The following CUX1 variants were observed in gnomAD, a reference collection of about 807,000 sequenced individuals.
CUX1 encodes the protein cut like homeobox 1.
CUX1 carries 31 observed loss-of-function variants against 158.8 expected under a neutral mutation model. That is an observed-to-expected ratio of 0.20 (90% CI 0.15 to 0.26). The LOEUF is 0.26. CUX1 is among the 10% of genes least tolerant of loss of function. The pLI is 1.00. For missense variants in CUX1, 1,589 were observed against 2,014.6 expected, an observed-to-expected ratio of 0.79 and a Z score of 4.04; for synonymous variants, 879 against 862.1, an observed-to-expected ratio of 1.02 and a Z score of -0.34.
intron 1 of CUX1, among the ~76,000 whole-genome samples, chr7:101,819,589 A>C (rs1792251387): frequency 1.3e-5 from 2 of 152,152 alleles, no homozygotes; most frequent in Admixed American, 6.6e-5. Context: ...CATAATAAGT[A>C]TATTATTTTA....
At chr7:101,844,575 C>G (rs1174952610) in intron 1 of CUX1, among the ~76,000 whole-genome samples, 1 of 152,010 alleles carries the variant, frequency 6.6e-6, no homozygotes, top group Admixed American at 6.6e-5. Flanking sequence ...TTATCCCTGT[C>G]TTCATTCTTT....
At chr7:101,973,401 G>C (rs533979380) in intron 2 of CUX1, among the ~76,000 whole-genome samples, 1 of 152,118 alleles carries the variant, frequency 6.6e-6, no homozygotes, top group Non-Finnish European at 1.5e-5. Context: ...CCAGCCCTCC[G>C]CAGCAAGCCA....
At chr7:102,165,037 T>TTC (rs1178604618) in intron 9 of CUX1, among the ~76,000 whole-genome samples, 1 of 151,474 alleles carries the variant, frequency 6.6e-6, no homozygotes, top group African/African-American at 2.4e-5. Context: ...ACGGTGAGGG[T>TTC]TCTCTCTTGT....
chr7:101,947,098 T>C (rs1413878236), intron 2 of CUX1, among the ~76,000 whole-genome samples: 1 of 152,110 alleles, frequency 6.6e-6, no homozygotes, highest in African/African-American at 2.4e-5. Context: ...AGTAACTTCA[T>C]TGTAAAATGG....
chr7:101,892,861 A>G (rs1343156002), intron 1 of CUX1, among the ~76,000 whole-genome samples: 1 of 152,180 alleles, frequency 6.6e-6, no homozygotes, highest in East Asian at 1.9e-4. Context: ...TATTTATTAT[A>G]TGAATAAAAC....
intron 11 of CUX1, among the ~76,000 whole-genome samples, chr7:102,179,454 C>T (rs1792785648): frequency 6.6e-6 from 1 of 152,158 alleles, no homozygotes; most frequent in Non-Finnish European, 1.5e-5. Context: ...AAATGAAACC[C>T]CAGAGGTCCA....
intron 12 of CUX1, among the ~76,000 whole-genome samples, chr7:102,191,790 T>C (rs1487104779): frequency 6.6e-6 from 1 of 151,614 alleles, no homozygotes; most frequent in Non-Finnish European, 1.5e-5. Flanking sequence ...CTTCTTCCTC[T>C]TGCTCCTCCT....
chr7:101,992,783 C>T (rs1175256215), intron 2 of CUX1, among the ~76,000 whole-genome samples: 1 of 151,696 alleles, frequency 6.6e-6, no homozygotes, highest in East Asian at 1.9e-4. Flanking sequence ...CCGCCCCCGC[C>T]GCCCCCCTCC....
intron 2 of CUX1, among the ~76,000 whole-genome samples, chr7:101,982,573 C>T (rs112173838): frequency 7.9e-5 from 12 of 152,106 alleles, no homozygotes; most frequent in East Asian, 5.8e-4. Context: ...ATTACAGATG[C>T]GGGCCACCAT....
chr7:102,155,592 G>C (rs1789665966), intron 8 of CUX1, among the ~76,000 whole-genome samples: 1 of 151,260 alleles, frequency 6.6e-6, no homozygotes, highest in South Asian at 2.1e-4. Context: ...TTTGCCTTAA[G>C]TAAAGTTTGC....
chr7:102,237,287 C>T (rs1411722683), intron 22 of CUX1, among the ~76,000 whole-genome samples: 2 of 152,040 alleles, frequency 1.3e-5, no homozygotes, highest in Non-Finnish European at 2.9e-5. Flanking sequence ...GGCAGTGATG[C>T]AATCATAGCT....
chr7:102,132,068 AC>A (rs1422848850), intron 8 of CUX1, among the ~76,000 whole-genome samples: 1 of 151,960 alleles, frequency 6.6e-6, no homozygotes, highest in Admixed American at 6.6e-5. Flanking sequence ...GGGTGGAAAA[AC>A]TTTTTTTTAA....
chr7:101,840,479 C>T (rs1216009655), intron 1 of CUX1, among the ~76,000 whole-genome samples: 1 of 152,176 alleles, frequency 6.6e-6, no homozygotes, highest in Non-Finnish European at 1.5e-5. Flanking sequence ...TTCCTTAAAA[C>T]CTATTCATGT....
intron 4 of CUX1, among the ~76,000 whole-genome samples, chr7:102,080,668 G>A (rs1429341025): frequency 7.9e-5 from 12 of 152,054 alleles, no homozygotes; most frequent in Non-Finnish European, 1.8e-4. Context: ...GCCACCCTGC[G>A]CCCTCTCCAC....
At chr7:102,278,667 T>TAAA (rs1554548436) in intron 18 of CUX1, among the ~76,000 whole-genome samples, 1 of 140,666 alleles carries the variant, frequency 7.1e-6, no homozygotes, top group African/African-American at 2.6e-5. Context: ...AAAAATAAAA[T>TAAA]AAAATATAAA....
chr7:101,887,041 G>A (rs6979850), intron 1 of CUX1, among the ~76,000 whole-genome samples: 15,113 of 152,176 alleles, frequency 0.099, 839 homozygotes, highest in Non-Finnish European at 0.13. Context: ...CAGGCACAGC[G>A]TGGGGCCCAA....
chr7:102,016,627 C>A (rs1286383232), intron 2 of CUX1, among the ~76,000 whole-genome samples: 4 of 152,238 alleles, frequency 2.6e-5, no homozygotes, highest in Non-Finnish European at 5.9e-5. Flanking sequence ...AAGAATTATA[C>A]TGAGTACCTA....
chr7:102,132,327 G>A (rs62484861), intron 8 of CUX1, among the ~76,000 whole-genome samples: 1 of 148,924 alleles, frequency 6.7e-6, no homozygotes, highest in African/African-American at 2.5e-5. Flanking sequence ...GCGCGCGCAC[G>A]CCACGCACAC....
chr7:101,917,044 C>G (rs548847402), intron 2 of CUX1, among the ~76,000 whole-genome samples: 38 of 152,214 alleles, frequency 2.5e-4, no homozygotes, highest in Non-Finnish European at 4.7e-4. Flanking sequence ...CTTACATCTT[C>G]CCCTTGTATG....
Sources: allele counts gnomAD v4.1 joint callset (sites outside exome capture counted in the v4.1 genomes callset), GRCh38; gene constraint gnomAD v4.1.1; transcripts MANE v1.5; gene names NCBI Gene and HGNC (gene_info 2026-07-23, HGNC 2026-07-21).